Variants in TBC1D19 observed in about 807,000 individuals in gnomAD.
The protein encoded by TBC1D19 is TBC1 domain family, member 19.
TBC1D19 carries 60 observed loss-of-function variants against 89.0 expected under a neutral mutation model. The ratio of observed to expected loss-of-function variants is 0.67; its 90% CI spans 0.55 to 0.84. The LOEUF is 0.84. Ranked by LOEUF, TBC1D19 falls within the 40% of genes least tolerant of loss-of-function variation. The probability of loss-of-function intolerance (pLI) is 0.00; values close to 1 mark genes in which losing one functional copy is unlikely to be tolerated. For synonymous variants in TBC1D19, 189 were observed against 199.7 expected, an observed-to-expected ratio of 0.95 and a Z score of 0.45; for missense variants, 500 against 610.8, an observed-to-expected ratio of 0.82 and a Z score of 1.91.
intron 1 of TBC1D19, among the ~76,000 whole-genome samples, chr4:26,587,708 A>G (rs1402198642): frequency 6.6e-6 from 1 of 151,070 alleles, no homozygotes; most frequent in Non-Finnish European, 1.5e-5. Flanking sequence ...GGAAGAATTT[A>G]TGTAGAATTA....
At chr4:26,618,047 G>A (rs1257307577) in intron 3 of TBC1D19, among the ~76,000 whole-genome samples, 1 of 152,122 alleles carries the variant, frequency 6.6e-6, no homozygotes, top group Non-Finnish European at 1.5e-5. Context: ...CAGTAGACCT[G>A]GGTACCTCTG....
chr4:26,845,133 T>C, the TBC1D19 span, among the ~76,000 whole-genome samples: 77 of 152,298 alleles, frequency 5.1e-4, no homozygotes, highest in African/African-American at 1.8e-3. Context: ...GGAGATGAGA[T>C]AGAGAACAAG....
chr4:26,625,135 G>A lies in TBC1D19; in HGVS notation c.294+4447G>A, dbSNP rs544752463. On this transcript the variant is annotated intron_variant, in intron 4 of 20. Transcript: ENST00000264866. ...GCTCTTGATCATGTCTTCAGAGTTGGGTTATAAATCAGCTTCCTGCAGTTT... is the reference window on the plus strand; with the variant it reads ...GCTCTTGATCATGTCTTCAGAGTTGAGTTATAAATCAGCTTCCTGCAGTTT... Among the ~76,000 whole-genome samples the A allele has an allele frequency of 2.0e-5, 3 of 151,994 alleles. No individual in the cohort carries two copies. In the East Asian group the frequency reaches 5.8e-4, roughly 29 times the overall value.
chr4:26,677,691 G>A (rs1246530174), intron 11 of TBC1D19, among the ~76,000 whole-genome samples: 1 of 152,102 alleles, frequency 6.6e-6, no homozygotes, highest in East Asian at 1.9e-4. Context: ...GGACTAGGTG[G>A]AGATAATTAA....
chr4:26,760,056 T>C (rs2109344948), downstream of TBC1D19, among the ~76,000 whole-genome samples: 1 of 152,318 alleles, frequency 6.6e-6, no homozygotes, highest in South Asian at 2.1e-4. Flanking sequence ...GTGGTTCTAC[T>C]GTTTTACGTT....
At chr4:26,698,965 T>C (rs1361005522) in intron 13 of TBC1D19, among the ~76,000 whole-genome samples, 1 of 152,210 alleles carries the variant, frequency 6.6e-6, no homozygotes, top group Admixed American at 6.5e-5. Flanking sequence ...AAGGACTTCA[T>C]GTCTAAAACG....
intron 13 of TBC1D19, among the ~76,000 whole-genome samples, chr4:26,699,569 T>A (rs1471449553): frequency 3.9e-5 from 6 of 152,148 alleles, no homozygotes; most frequent in Non-Finnish European, 8.8e-5. Context: ...CACACATATG[T>A]TTATTGCGGC....
chr4:26,770,639 C>T, the TBC1D19 span, among the ~76,000 whole-genome samples: 2 of 151,942 alleles, frequency 1.3e-5, no homozygotes, highest in African/African-American at 4.8e-5. Context: ...ATAGAACACC[C>T]CACCCAACAA....
At chr4:26,756,605 G>A (rs901282290), downstream of TBC1D19, among the ~76,000 whole-genome samples, 1 of 152,132 alleles carries the variant, frequency 6.6e-6, no homozygotes, top group Admixed American at 6.5e-5. Flanking sequence ...TTACCTTGCA[G>A]GTAGGTAAGG....
the TBC1D19 span, among the ~76,000 whole-genome samples, chr4:26,784,038 A>G: frequency 1.3e-5 from 2 of 152,092 alleles, no homozygotes; most frequent in African/African-American, 4.8e-5. Context: ...CTTATCCTCC[A>G]TCCTCCTGGA....
chr4:26,642,031 C>CT (rs1283416157), intron 7 of TBC1D19, among the ~76,000 whole-genome samples: 9 of 152,212 alleles, frequency 5.9e-5, no homozygotes, highest in African/African-American at 2.2e-4. Flanking sequence ...GGAGAACTTC[C>CT]CTAACTAGCA....
the TBC1D19 span, among the ~76,000 whole-genome samples, chr4:26,845,910 C>T: frequency 1.3e-5 from 2 of 152,196 alleles, no homozygotes. Context: ...AAGTCTCTCC[C>T]ATAACATGTG....
intron 13 of TBC1D19, among the ~76,000 whole-genome samples, chr4:26,701,567 T>C (rs895933235): frequency 7.2e-5 from 11 of 152,160 alleles, no homozygotes; most frequent in Non-Finnish European, 1.5e-4. Flanking sequence ...TTTTTCATTA[T>C]TGAGAAGGAA....
At chr4:26,763,812 C>G in the TBC1D19 span, among the ~76,000 whole-genome samples, 1 of 152,110 alleles carries the variant, frequency 6.6e-6, no homozygotes, top group African/African-American at 2.4e-5. Context: ...GGGAAAAGAC[C>G]ACAGAAAGTT....
At position 26,755,051 on chromosome 4, in the gene TBC1D19, AATAAAGATC is replaced by A. The variant is rs1719191523; in HGVS notation, c.*107_*115del. 2.0e-6 allele frequency: 2 copies of A among 996,096 alleles called. No homozygotes were observed. The highest frequency in any genetic ancestry group is 5.4e-5 in the Admixed American group (2 of 37,322). 61.7% of individuals were successfully genotyped at this position (996,096 alleles called of 1,614,324 possible). On this transcript the variant is annotated 3_prime_UTR_variant, in exon 21 of 21. Coordinates refer to ENST00000264866, the MANE Select transcript of TBC1D19 (RefSeq NM_018317.4). Reference sequence around the variant, plus strand: ...CAAAATGAAACTTTGCATATAAGCCAATAAAGATCATGTTCCCTCTTCAGTTAAACCTAA... The same window carrying A: ...CAAAATGAAACTTTGCATATAAGCCAATGTTCCCTCTTCAGTTAAACCTAA...
chr4:26,842,639 T>TCTTTCTTTCTTTCTTC, the TBC1D19 span, among the ~76,000 whole-genome samples: 3 of 147,328 alleles, frequency 2.0e-5, no homozygotes, highest in African/African-American at 7.7e-5. Flanking sequence ...TTTCTTTCTT[T>TCTTTCTTTCTTTCTTC]CTTTCTTTTT....
intron 11 of TBC1D19, among the ~76,000 whole-genome samples, chr4:26,681,647 A>G (rs1263442562): frequency 6.6e-6 from 1 of 152,224 alleles, no homozygotes; most frequent in Non-Finnish European, 1.5e-5. Flanking sequence ...GATATTTATT[A>G]CAACATTATT....
In TBC1D19 at chr4:26,730,707, G is replaced by A. The variant is rs534255612; in HGVS notation, c.1085-4748G>A. On this transcript the variant is annotated intron_variant, in intron 15 of 20. Transcript: ENST00000264866. ...GTATCCCCACCCACTTCTCATTTAC[G>A]GCTCCACTTCACACCTTGGACAGGC... is the stretch of plus-strand genomic sequence containing the variant. 9.9e-5 allele frequency among the ~76,000 whole-genome samples: 15 copies of A among 152,150 alleles called. No homozygotes were observed. In the East Asian group the frequency reaches 2.9e-3, roughly 29 times the overall value.
chr4:26,652,130 G>C (rs1744435077), intron 7 of TBC1D19, among the ~76,000 whole-genome samples: 1 of 151,882 alleles, frequency 6.6e-6, no homozygotes, highest in Admixed American at 6.6e-5. Flanking sequence ...TTTTCTTGAG[G>C]ATGTTTGCAT....
Sources: gnomAD v4.1 joint callset for allele counts (sites outside exome capture counted in the v4.1 genomes callset) on GRCh38, gnomAD v4.1.1 for gene constraint, MANE v1.5 for transcripts, NCBI Gene and HGNC (gene_info 2026-07-23, HGNC 2026-07-21) for gene names.